IRS4: variants seen among roughly 807,000 people sequenced by gnomAD.
IRS4 encodes insulin receptor substrate 4.
In IRS4, 15 loss-of-function variants were observed where a neutral mutation model predicts 48.6. The observed-to-expected ratio is 0.31, with a 90% CI of 0.21 to 0.48. The LOEUF is 0.48. Ranked by LOEUF, IRS4 falls within the 20% of genes least tolerant of loss-of-function variation. The probability of loss-of-function intolerance (pLI) is 0.99; values close to 1 mark genes in which losing one functional copy is unlikely to be tolerated. For missense variants in IRS4, 987 were observed against 1,023.4 expected, an observed-to-expected ratio of 0.96 and a Z score of 0.49; for synonymous variants, 459 against 413.2, an observed-to-expected ratio of 1.11 and a Z score of -1.34.
In IRS4 at chrX:108,722,474, A is replaced by T. The variant is rs2068859226; in HGVS notation, c.*45T>A. Reference sequence around the variant, plus strand: ...CTGGAGTAGACGAAGATAAAATTCCATAAGCATCACTTTTCTTCTAAAATG... The same window carrying T: ...CTGGAGTAGACGAAGATAAAATTCCTTAAGCATCACTTTTCTTCTAAAATG... On this transcript the variant is annotated 3_prime_UTR_variant, in exon 2 of 2. Coordinates refer to ENST00000372129, the MANE Select transcript of IRS4 (RefSeq NM_001379150.1). 3.1e-6 allele frequency: 1 copy of T among 323,563 alleles called. No homozygotes were observed. The highest frequency in any genetic ancestry group is 2.7e-5 in the African/African-American group (1 of 37,477). The allele number at this position is 323,563 out of a possible 1,213,427, so 26.7% of individuals were successfully genotyped here. A position where few individuals can be genotyped will look rare whatever the true frequency, so the allele number is the denominator to read the frequency against.
At position 108,720,158 on chromosome X, in the gene IRS4, G is replaced by A. The variant is rs2068850854; in HGVS notation, c.*2361C>T. On this transcript the variant is annotated 3_prime_UTR_variant, in exon 2 of 2. Transcript: ENST00000372129. ...AAAGCATATCTGTGAAGCAGAAATA[G>A]CAGATGTAATTAGCTGGTGGAACTG... The A allele has an allele frequency of 8.9e-6, 1 of 112,382 alleles. No individual in the cohort carries two copies. Among genetic ancestry groups the A allele is most frequent in the Non-Finnish European group, 1.9e-5 (1 of 53,315 alleles). The allele number at this position is 112,382 out of a possible 1,213,427, so 9.3% of individuals were successfully genotyped here. A position where few individuals can be genotyped will look rare whatever the true frequency, so the allele number is the denominator to read the frequency against.
intron 1 of IRS4, among the ~76,000 whole-genome samples, chrX:108,725,679 T>G (rs1404882042): frequency 2.7e-5 from 3 of 111,709 alleles, no homozygotes; most frequent in African/African-American, 9.8e-5. Flanking sequence ...AATTAAGTGC[T>G]ATTGCTCAAG....
At chrX:108,722,789 C>A (rs1240308748) in intron 1 of IRS4, 2 of 203,874 alleles carry the variant, frequency 9.8e-6, no homozygotes, top group African/African-American at 2.9e-5. Context: ...TGGACAGCAT[C>A]TTTGCACGTG....
At chrX:108,726,754 G>T (rs1569510740) in intron 1 of IRS4, 1 of 112,053 alleles carries the variant, frequency 8.9e-6, no homozygotes, top group African/African-American at 3.2e-5. Flanking sequence ...TAGGGAATTA[G>T]ATATTCGGTA....
chrX:108,721,952 A>G lies in IRS4; in HGVS notation c.*567T>C, dbSNP rs1489190597. 9.0e-6 allele frequency: 1 copy of G among 111,555 alleles called. No individual in the cohort carries two copies. The highest frequency in any genetic ancestry group is 1.9e-5 in the Non-Finnish European group (1 of 53,103). The allele number at this position is 111,555 out of a possible 1,213,427, so 9.2% of individuals were successfully genotyped here. A position where few individuals can be genotyped will look rare whatever the true frequency, so the allele number is the denominator to read the frequency against. ...TAGTCCTGCCTTTAAAATACTGGTA[A>G]TGCCCCATCAAGATATCAGTTCAGT... On this transcript the variant is annotated 3_prime_UTR_variant, in exon 2 of 2. Coordinates refer to ENST00000372129, the MANE Select transcript of IRS4 (RefSeq NM_001379150.1).
chrX:108,733,434 G>A lies in IRS4; in HGVS notation c.2911C>T (p.Pro971Ser), dbSNP rs1332971309. 2 of 1,209,809 alleles carry A rather than the reference G, an allele frequency of 1.7e-6. No individual in the cohort carries two copies. Among genetic ancestry groups the A allele is most frequent in the Non-Finnish European group, 2.2e-6 (2 of 895,103 alleles). The change falls in exon 1 of 2, where the codon CCA becomes TCA. Residue 971 changes from proline (P) to serine (S), a missense_variant. Transcript: ENST00000372129. ...AAAAGATCTGAGAGGTCGTTTGCTG[G>A]ATTTGGAAATGGCACTCCAAACTCA... is the stretch of plus-strand genomic sequence containing the variant. ...NVEFGVPFPN[P>S]ANDLSDLLRA...
intron 1 of IRS4, 152 bp from the exon 2 acceptor site, chrX:108,722,675 A>C: frequency 4.3e-6 from 1 of 232,980 alleles, no homozygotes. Flanking sequence ...CTGGGCATGG[A>C]CATGGTTAAT....
Position 108,733,266 on chromosome X carries a change from G to T in IRS4, c.3079C>A (p.Pro1027Thr). The T allele has an allele frequency of 2.5e-6, 3 of 1,211,799 alleles. No homozygotes were observed. The highest frequency in any genetic ancestry group is 3.5e-5 in the South Asian group (2 of 56,985). The change falls in exon 1 of 2, where the codon CCA (proline) becomes ACA (threonine). Residue 1027 changes from proline (P) to threonine (T), a missense_variant. Transcript: ENST00000372129. ...IEVIFNSAMT[P>T]AMALADSAIR... is the part of the protein sequence containing the mutation. ...GCACTGTCAGCAAGAGCCATGGCTG[G>T]TGTCATTGCTGAGTTGAAAATTACT...
intron 1 of IRS4, among the ~76,000 whole-genome samples, chrX:108,731,676 C>A (rs754873287): frequency 5.4e-5 from 6 of 111,750 alleles, no homozygotes; most frequent in Non-Finnish European, 1.1e-4. Flanking sequence ...CTTCCTCCAG[C>A]CTTATCTTGC....
chrX:108,736,455 CT>C lies in IRS4; in HGVS notation c.-112del. On this transcript the variant is annotated 5_prime_UTR_variant, in exon 1 of 2. Transcript: ENST00000372129. ...TCTGCCCGCCCCAGCCCCCTCCTGCCTTGGCCCGCGCCCCCGCCCACTCCAC... is the reference window on the plus strand; with the variant it reads ...TCTGCCCGCCCCAGCCCCCTCCTGCCTGGCCCGCGCCCCCGCCCACTCCAC... 8.9e-7 allele frequency: 1 copy of C among 1,119,126 alleles called. No individual in the cohort carries two copies. Among genetic ancestry groups the C allele is most frequent in the Non-Finnish European group, 1.2e-6 (1 of 836,039 alleles). 92.2% of individuals were successfully genotyped at this position (1,119,126 alleles called of 1,213,427 possible).
At position 108,734,639 on chromosome X, in the gene IRS4, C is replaced by A; in HGVS notation, c.1706G>T (p.Gly569Val). The change falls in exon 1 of 2, where the codon GGC (glycine) becomes GTC (valine). Residue 569 changes from glycine to valine, a missense_variant. By Grantham distance (109) the Gly-to-Val change is moderately radical. Transcript: ENST00000372129. ...GGGQRPGGGH[G>V]SGGGQGPGDG... ...TCCAGGTCCCTGGCCACCACCTGAG[C>A]CATGCCCACCTCCAGGTCTCTGGCC... is the stretch of plus-strand genomic sequence containing the variant. 8.3e-7 allele frequency: 1 copy of A among 1,211,608 alleles called. No homozygotes were observed. The highest frequency in any genetic ancestry group is 1.1e-6 in the Non-Finnish European group (1 of 895,420).
chrX:108,735,999 T>C lies in IRS4; in HGVS notation c.346A>G (p.Arg116Gly). The C allele has an allele frequency of 8.3e-7, 1 of 1,209,808 alleles. No homozygotes were observed. The highest frequency in any genetic ancestry group is 1.1e-6 in the Non-Finnish European group (1 of 894,992). Residue 116 changes from arginine (R) to glycine (G), a missense_variant, in exon 1 of 2, where the codon AGG (arginine) becomes GGG (glycine). Physicochemically the swap from Arg to Gly is moderately radical, Grantham distance 125. Coordinates refer to ENST00000372129, the MANE Select transcript of IRS4 (RefSeq NM_001379150.1). The stretch of plus-strand genomic sequence containing the variant: ...GCGCGGACACTGTGCCGGAACTTCC[T>C]GGCATTTTCGTAGTATTCCAGCCGA... The part of the protein sequence containing the change: ...PARLEYYENA[R>G]KFRHSVRAAA...
Position 108,732,693 on chromosome X carries a change from G to T in IRS4, c.3652C>A (p.Arg1218Ser), listed in dbSNP as rs779993930. The T allele has an allele frequency of 8.3e-7, 1 of 1,211,855 alleles. No homozygotes were observed. Among genetic ancestry groups the T allele is most frequent in the Admixed American group, 2.2e-5 (1 of 46,125 alleles). Residue 1218 changes from arginine to serine, a missense_variant, in exon 1 of 2, where the codon CGC (arginine) becomes AGC (serine). Physicochemically the swap from Arg to Ser is moderately radical, Grantham distance 110. Coordinates refer to ENST00000372129, the MANE Select transcript of IRS4 (RefSeq NM_001379150.1). ...GGGGGTCTTGGCACCCGGCGACTGC[G>T]AGGTGGTGGTTCCGGAGCGGCAGCT... is the stretch of plus-strand genomic sequence containing the variant. ...AAAAAPEPPP[R>S]SRRVPRPPER... is the part of the protein sequence containing the mutation.
chrX:108,725,889 T>C (rs1263985748), intron 1 of IRS4: 11 of 112,227 alleles, frequency 9.8e-5, no homozygotes, highest in African/African-American at 3.6e-4. Context: ...TCAATCGTTT[T>C]ACACCTGCCC....
rs2068851623 is a variant in IRS4, at chrX:108,720,340, T to G, written c.*2179A>C. The G allele has an allele frequency of 8.9e-6, 1 of 112,475 alleles. No individual in the cohort carries two copies. The highest frequency in any genetic ancestry group is 3.6e-4 in the South Asian group (1 of 2,749). The allele number at this position is 112,475 out of a possible 1,213,427, so 9.3% of individuals were successfully genotyped here. A position where few individuals can be genotyped will look rare whatever the true frequency, so the allele number is the denominator to read the frequency against. ...AGTTGGTAAACATATTCCACAAAGA[T>G]TCTTCCAGCACAATACTGAATAAAT... On this transcript the variant is annotated 3_prime_UTR_variant, in exon 2 of 2. Transcript: ENST00000372129.
Position 108,732,928 on chromosome X carries a change from C to A in IRS4, c.3417G>T (p.Ala1139=), listed in dbSNP as rs777547295. The change falls in exon 1 of 2, where the codon GCG becomes GCT. Residue 1139 remains alanine (A), a synonymous_variant. Coordinates refer to ENST00000372129, the MANE Select transcript of IRS4 (RefSeq NM_001379150.1). The part of the protein sequence containing the change: ...ALSQVVAAAS[A]LAAAPGIGAA... ...CGCCGATGCCCGGGGCTGCGGCGAGCGCGGAGGCCGCAGCTACAACTTGGC... is the reference window on the plus strand; with the variant it reads ...CGCCGATGCCCGGGGCTGCGGCGAGAGCGGAGGCCGCAGCTACAACTTGGC... 3.8e-5 allele frequency: 45 copies of A among 1,180,883 alleles called. No individual in the cohort carries two copies. The highest frequency in any genetic ancestry group is 4.8e-5 in the Non-Finnish European group (42 of 879,151).
chrX:108,732,047 C>T (rs984982582), intron 1 of IRS4, among the ~76,000 whole-genome samples: 1 of 112,358 alleles, frequency 8.9e-6, no homozygotes, highest in Non-Finnish European at 1.9e-5. Flanking sequence ...CTTGGTAAAT[C>T]ACAGCAAACT....
At chrX:108,724,893 T>G (rs1388513634) in intron 1 of IRS4, 1 of 111,661 alleles carries the variant, frequency 9.0e-6, no homozygotes, top group Non-Finnish European at 1.9e-5. Context: ...TTTTAATGGG[T>G]GGTATACTCT....
At chrX:108,726,707 A>T (rs1405015412) in intron 1 of IRS4, 2 of 112,395 alleles carry the variant, frequency 1.8e-5, no homozygotes, top group Admixed American at 1.9e-4. Context: ...GAAAAATTAT[A>T]TAAATTGTCA....
Sources: allele counts gnomAD v4.1 joint callset (sites outside exome capture counted in the v4.1 genomes callset), GRCh38; gene constraint gnomAD v4.1.1; transcripts MANE v1.5; gene names NCBI Gene and HGNC (gene_info 2026-07-23, HGNC 2026-07-21).